KCNH8: variants seen among roughly 807,000 people sequenced by gnomAD.
KCNH8 encodes voltage-gated delayed rectifier potassium channel KCNH8.
KCNH8 carries 70 observed loss-of-function variants against 103.6 expected under a neutral mutation model. That is an observed-to-expected ratio of 0.68 (90% CI 0.56 to 0.82). KCNH8 has a LOEUF of 0.82. Ranked by LOEUF, KCNH8 falls within the 40% of genes least tolerant of loss-of-function variation. The pLI is 0.00. For synonymous variants in KCNH8, 498 were observed against 489.4 expected (o/e 1.02, Z -0.23); for missense variants, 1,217 against 1,329.9 (o/e 0.92, Z 1.32).
chr3:19,236,897 A>G (rs559298118), intron 1 of KCNH8, among the ~76,000 whole-genome samples: 6 of 152,374 alleles, frequency 3.9e-5, no homozygotes, highest in African/African-American at 1.4e-4. Flanking sequence ...CAAAAACATC[A>G]GTTGGTTTAA....
intron 1 of KCNH8, among the ~76,000 whole-genome samples, chr3:19,172,695 G>A (rs1165580408): frequency 2.0e-5 from 3 of 152,168 alleles, no homozygotes; most frequent in Non-Finnish European, 1.5e-5. Flanking sequence ...AGCTGAAGAA[G>A]CGGAGGTATG....
chr3:19,498,628 T>G (rs1228964853), intron 11 of KCNH8, among the ~76,000 whole-genome samples: 1 of 152,246 alleles, frequency 6.6e-6, no homozygotes, highest in Admixed American at 6.5e-5. Context: ...GGTGAGGAAC[T>G]GCGTTCCTTT....
intron 8 of KCNH8, 127 bp downstream of exon 8, chr3:19,438,488 A>G (rs188298212): frequency 1.3e-5 from 10 of 787,340 alleles, no homozygotes; most frequent in South Asian, 9.2e-5. Context: ...TAAAAGCACT[A>G]ATTAGACAGT....
At chr3:19,236,258 G>C (rs1207490697) in intron 1 of KCNH8, among the ~76,000 whole-genome samples, 3 of 152,184 alleles carry the variant, frequency 2.0e-5, no homozygotes, top group Non-Finnish European at 2.9e-5. Flanking sequence ...CTTTGAAGAA[G>C]TCTTCATCTG....
chr3:19,534,335 G>C lies in KCNH8; in HGVS notation c.*236G>C. The stretch of plus-strand genomic sequence containing the variant: ...CAGGTATTAAACTACTGGTCTGTTT[G>C]ACAGACTTTGGTAACAATCCAAAGA... On this transcript the variant is annotated 3_prime_UTR_variant, in exon 16 of 16. Transcript: ENST00000328405. 1.9e-6 allele frequency: 1 copy of C among 520,694 alleles called. No individual in the cohort carries two copies. Among genetic ancestry groups the C allele is most frequent in the Non-Finnish European group, 3.4e-6 (1 of 295,956 alleles). The allele number at this position is 520,694 out of a possible 1,614,324, so 32.3% of individuals were successfully genotyped here.
intron 7 of KCNH8, among the ~76,000 whole-genome samples, chr3:19,435,103 G>A (rs2067178949): frequency 6.6e-6 from 1 of 151,976 alleles, no homozygotes; most frequent in African/African-American, 2.4e-5. Flanking sequence ...CTTGATTGTG[G>A]TAATCATTTC....
intron 1 of KCNH8, among the ~76,000 whole-genome samples, chr3:19,249,617 A>T (rs2064250625): frequency 1.3e-5 from 2 of 152,166 alleles, no homozygotes; most frequent in South Asian, 4.1e-4. Context: ...CTTTTCTTAT[A>T]TTCATAAACA....
chr3:19,328,506 A>G (rs1054604508), intron 3 of KCNH8, among the ~76,000 whole-genome samples: 5 of 152,126 alleles, frequency 3.3e-5, no homozygotes, highest in African/African-American at 9.7e-5. Context: ...CAATTTTTCA[A>G]TAACAACATG....
intron 11 of KCNH8, among the ~76,000 whole-genome samples, chr3:19,493,373 T>G (rs931445281): frequency 6.6e-6 from 1 of 152,058 alleles, no homozygotes; most frequent in Non-Finnish European, 1.5e-5. Context: ...GGGAAGTGAT[T>G]GGATTATGGG....
rs192370383 is a variant in KCNH8 at position 19,419,830 on chromosome 3, G to A, written c.1178-18334G>A. ...GGTTCAGTCAATTGAAGTACTAAAG[G>A]CAAAAATAAAAATTAACTCCTATTT... On this transcript the variant is annotated intron_variant, in intron 7 of 15. Coordinates refer to ENST00000328405, the MANE Select transcript of KCNH8 (RefSeq NM_144633.3). 2.1e-3 allele frequency among the ~76,000 whole-genome samples: 315 copies of A among 151,880 alleles called. 2 individuals are homozygous for A. The highest frequency in any genetic ancestry group is 7.3e-3 in the African/African-American group (304 of 41,446).
chr3:19,283,792 A>G (rs1020854505), intron 3 of KCNH8, among the ~76,000 whole-genome samples: 5 of 151,574 alleles, frequency 3.3e-5, no homozygotes, highest in Admixed American at 6.6e-5. Flanking sequence ...TAAATTAAAA[A>G]TTAGCCAGGT....
At chr3:19,244,911 C>T (rs900302428) in intron 1 of KCNH8, among the ~76,000 whole-genome samples, 3 of 151,920 alleles carry the variant, frequency 2.0e-5, no homozygotes, top group Non-Finnish European at 4.4e-5. Flanking sequence ...TTTCATTCTG[C>T]AGGTTGTCTG....
chr3:19,457,647 T>C (rs1193018246), intron 11 of KCNH8, among the ~76,000 whole-genome samples: 4 of 151,982 alleles, frequency 2.6e-5, no homozygotes, highest in African/African-American at 4.8e-5. Flanking sequence ...GGAATGATTG[T>C]TGAAAGGCAA....
At chr3:19,361,959 C>T (rs191923023) in intron 5 of KCNH8, among the ~76,000 whole-genome samples, 65 of 152,004 alleles carry the variant, frequency 4.3e-4, no homozygotes, top group African/African-American at 1.4e-3. Context: ...TAATTACTGA[C>T]GAAGCTAGAG....
chr3:19,403,616 T>A (rs1256968185), intron 7 of KCNH8, among the ~76,000 whole-genome samples: 1 of 151,492 alleles, frequency 6.6e-6, no homozygotes, highest in East Asian at 1.9e-4. Flanking sequence ...TCTGAGTCAC[T>A]GATTTGAAAT....
intron 1 of KCNH8, among the ~76,000 whole-genome samples, chr3:19,248,752 A>G (rs1218349662): frequency 1.3e-5 from 2 of 152,176 alleles, no homozygotes; most frequent in Admixed American, 6.5e-5. Context: ...ATCAATGTTT[A>G]TGCTCTTCTC....
At chr3:19,167,698 A>G (rs1057028066) in intron 1 of KCNH8, among the ~76,000 whole-genome samples, 6 of 152,232 alleles carry the variant, frequency 3.9e-5, no homozygotes, top group African/African-American at 7.2e-5. Context: ...ATAGATAACT[A>G]TAGATTCACA....
At chr3:19,437,876 C>G (rs1275032709) in intron 7 of KCNH8, among the ~76,000 whole-genome samples, 2 of 152,124 alleles carry the variant, frequency 1.3e-5, no homozygotes, top group African/African-American at 4.8e-5. Context: ...GAGTAGCCAT[C>G]CCTGCAGTTT....
intron 5 of KCNH8, among the ~76,000 whole-genome samples, chr3:19,388,398 G>A (rs1470246238): frequency 2.0e-5 from 3 of 151,978 alleles, no homozygotes; most frequent in Non-Finnish European, 2.9e-5. Flanking sequence ...AAATAAAGAG[G>A]AAGAATGAAT....
Sources: gnomAD v4.1 joint callset for allele counts (sites outside exome capture counted in the v4.1 genomes callset) on GRCh38, gnomAD v4.1.1 for gene constraint, MANE v1.5 for transcripts, NCBI Gene and HGNC (gene_info 2026-07-23, HGNC 2026-07-21) for gene names.